Variants in TASOR observed in about 807,000 individuals in gnomAD.
TASOR encodes protein TASOR.
TASOR carries 53 observed loss-of-function variants against 178.6 expected under a neutral mutation model. The ratio of observed to expected loss-of-function variants is 0.30; its 90% CI spans 0.24 to 0.37. The LOEUF (loss-of-function observed/expected upper bound fraction) is 0.37, where lower values mean the gene tolerates loss of function less well. Among genes scored for constraint, TASOR ranks in the 10% least tolerant of loss-of-function variants. The pLI, the probability that TASOR is intolerant of heterozygous loss-of-function variation, is 1.00. For synonymous variants in TASOR, 713 were observed against 696.2 expected, an observed-to-expected ratio of 1.02 and a Z score of -0.38; for missense variants, 1,815 against 1,971.4, an observed-to-expected ratio of 0.92 and a Z score of 1.50.
At chr3:56,681,004 C>T (rs1321985360) in intron 1 of TASOR, among the ~76,000 whole-genome samples, 2 of 151,786 alleles carry the variant, frequency 1.3e-5, no homozygotes, top group African/African-American at 2.4e-5. Flanking sequence ...AAACACAGTG[C>T]CTTTCCAGTT....
chr3:56,651,582 CCTGGCT>C (rs1291555191), intron 11 of TASOR, among the ~76,000 whole-genome samples: 3 of 152,032 alleles, frequency 2.0e-5, no homozygotes, highest in African/African-American at 7.2e-5. Flanking sequence ...TGCCTATAGT[CCTGGCT>C]ACTTGGAAAG....
At position 56,621,725 on chromosome 3, in the gene TASOR, T is replaced by A. The variant is rs1368437010; in HGVS notation, c.*1312A>T. ...AATAGCCTAGATTTACTTATTTTTT[T>A]AAATGCTCATTAAAAACTTGTATAC... is the stretch of plus-strand genomic sequence containing the variant. On this transcript the variant is annotated 3_prime_UTR_variant, in exon 24 of 24. Coordinates refer to ENST00000683822, the MANE Select transcript of TASOR (RefSeq NM_001365635.2). 4.4e-6 allele frequency: 3 copies of A among 688,750 alleles called. No individual in the cohort carries two copies. The highest frequency in any genetic ancestry group is 7.1e-6 in the Non-Finnish European group (3 of 423,910). The allele number at this position is 688,750 out of a possible 1,614,324, so 42.7% of individuals were successfully genotyped here.
chr3:56,658,062 G>A (rs191102472), intron 11 of TASOR, among the ~76,000 whole-genome samples: 2 of 152,172 alleles, frequency 1.3e-5, no homozygotes, highest in East Asian at 3.9e-4. Context: ...GCATTTCTTG[G>A]ACAAAATTTA....
intron 14 of TASOR, among the ~76,000 whole-genome samples, chr3:56,642,996 GCT>G (rs996380046): frequency 1.9e-4 from 29 of 151,204 alleles, no homozygotes; most frequent in African/African-American, 6.6e-4. Context: ...AATTCTATAG[GCT>G]CACGCCTGTA....
intron 23 of TASOR, among the ~76,000 whole-genome samples, chr3:56,624,157 C>T (rs910029713): frequency 2.6e-5 from 4 of 152,088 alleles, no homozygotes; most frequent in Admixed American, 6.6e-5. Context: ...ATTAATATAA[C>T]CCCTTTGCTG....
intron 20 of TASOR, 129 bp downstream of exon 20, chr3:56,627,453 G>T: frequency 9.9e-7 from 1 of 1,008,734 alleles, no homozygotes; most frequent in Non-Finnish European, 1.5e-6. Flanking sequence ...AAAGAAATTT[G>T]AGGTAATAAA....
Position 56,671,677 on chromosome 3 carries a change from T to C in TASOR, c.493A>G (p.Arg165Gly), listed in dbSNP as rs2030752569. Reference protein sequence around the residue: ...LLEKEFTEKRRELKFDGRLDK... With the variant: ...LLEKEFTEKRGELKFDGRLDK... ...AAACGACCATCAAACTTCAGTTCTCTTCGCTTTTCTGTAAACTAAATGAAA... is the reference window on the plus strand; with the variant it reads ...AAACGACCATCAAACTTCAGTTCTCCTCGCTTTTCTGTAAACTAAATGAAA... Residue 165 changes from arginine (R) to glycine (G), a missense_variant, in exon 3 of 24, where the codon AGA becomes GGA. This residue lies in a region of TASOR where 504 missense variants were observed against 645.3 expected (regional missense o/e 0.78). Transcript: ENST00000683822. 1.3e-6 allele frequency: 2 copies of C among 1,548,584 alleles called. No homozygotes were observed. The highest frequency in any genetic ancestry group is 1.7e-4 in the Middle Eastern group (1 of 5,830).
chr3:56,643,207 G>A (rs566120016), intron 14 of TASOR, among the ~76,000 whole-genome samples: 1 of 151,782 alleles, frequency 6.6e-6, no homozygotes, highest in East Asian at 1.9e-4. Context: ...AGGTTGCAAT[G>A]AGCCGAGATC....
chr3:56,677,705 G>C (rs1467429073), intron 1 of TASOR, among the ~76,000 whole-genome samples: 1 of 152,112 alleles, frequency 6.6e-6, no homozygotes, highest in Admixed American at 6.6e-5. Context: ...ACAACACTTA[G>C]ACACAGGAAG....
At chr3:56,647,993 G>T (rs770624808) in intron 13 of TASOR, among the ~76,000 whole-genome samples, 1 of 151,996 alleles carries the variant, frequency 6.6e-6, no homozygotes. Context: ...CAGGCCAGGA[G>T]TTCAAGAACA....
chr3:56,634,335 A>G (rs1419998003), intron 17 of TASOR, among the ~76,000 whole-genome samples: 1 of 152,200 alleles, frequency 6.6e-6, no homozygotes, highest in African/African-American at 2.4e-5. Context: ...CAATCCCTGT[A>G]TTTATTATTT....
intron 9 of TASOR, 27 bp from the exon 10 acceptor site, chr3:56,661,044 T>G: frequency 6.8e-7 from 1 of 1,468,208 alleles, no homozygotes. Context: ...AAAACATGTT[T>G]GCCTTATCTG....
At chr3:56,623,855 C>T (rs957108678) in intron 23 of TASOR, 23 of 1,545,996 alleles carry the variant, frequency 1.5e-5, no homozygotes, top group South Asian at 6.0e-5. Context: ...TAAAGTTATA[C>T]GGTAATTCAG....
chr3:56,637,639 G>C (rs957015810), intron 17 of TASOR, among the ~76,000 whole-genome samples: 1 of 151,042 alleles, frequency 6.6e-6, no homozygotes, highest in Non-Finnish European at 1.5e-5. Flanking sequence ...TTTTCTTCAA[G>C]GAAACTAGTA....
chr3:56,645,275 A>AAAAT (rs773307629), intron 14 of TASOR, among the ~76,000 whole-genome samples: 15 of 152,194 alleles, frequency 9.9e-5, no homozygotes, highest in Non-Finnish European at 2.1e-4. Context: ...TTTTGTCTCA[A>AAAAT]AAATAAATAA....
intron 17 of TASOR, 147 bp downstream of exon 17, chr3:56,638,559 A>G: frequency 1.5e-6 from 1 of 663,118 alleles, no homozygotes; most frequent in Non-Finnish European, 2.7e-6. Flanking sequence ...TCAAGTAATG[A>G]TTTACATATA....
chr3:56,628,669 T>G, intron 18 of TASOR, 55 bp from the exon 19 acceptor site: 1 of 1,214,156 alleles, frequency 8.2e-7, no homozygotes, highest in Non-Finnish European at 1.2e-6. Flanking sequence ...TAAACATCAA[T>G]TTAACACCAG....
chr3:56,667,628 G>C (rs1169892215), intron 6 of TASOR, among the ~76,000 whole-genome samples: 1 of 152,190 alleles, frequency 6.6e-6, no homozygotes, highest in Non-Finnish European at 1.5e-5. Flanking sequence ...CCACACTCCA[G>C]ACTGGACAAC....
intron 15 of TASOR, among the ~76,000 whole-genome samples, chr3:56,640,710 G>GAAATA (rs1192786960): frequency 6.6e-6 from 1 of 151,976 alleles, no homozygotes; most frequent in African/African-American, 2.4e-5. Context: ...AGTAAATGAA[G>GAAATA]AAATAAGCCC....
Sources: gnomAD v4.1 joint callset for allele counts (sites outside exome capture counted in the v4.1 genomes callset) on GRCh38, gnomAD v4.1.1 for gene constraint, gnomAD v4.1.1 regional missense constraint, MANE v1.5 for transcripts, NCBI Gene and HGNC (gene_info 2026-07-23, HGNC 2026-07-21) for gene names.